Variants in DACH1 observed in about 807,000 individuals in gnomAD.
DACH1 encodes dachshund homolog 1.
In DACH1, 12 loss-of-function variants were observed where a neutral mutation model predicts 54.2. The ratio of observed to expected loss-of-function variants is 0.22; its 90% confidence interval spans 0.14 to 0.36. The LOEUF (loss-of-function observed/expected upper bound fraction) is 0.36, where lower values mean the gene tolerates loss of function less well. DACH1 is among the 10% of genes least tolerant of loss of function. DACH1 has a pLI of 1.00. For missense variants in DACH1, 805 were observed against 929.8 expected (o/e 0.87, Z 1.75); for synonymous variants, 386 against 366.2 (o/e 1.05, Z -0.62).
At chr13:71,650,310 A>G (rs1878581517) in intron 2 of DACH1, among the ~76,000 whole-genome samples, 1 of 152,192 alleles carries the variant, frequency 6.6e-6, no homozygotes, top group Non-Finnish European at 1.5e-5. Context: ...ACAATTTCTA[A>G]TAGTCAAGTA....
intron 1 of DACH1, among the ~76,000 whole-genome samples, chr13:71,799,587 G>A (rs1022801603): frequency 4.6e-5 from 7 of 151,908 alleles, no homozygotes; most frequent in Non-Finnish European, 7.4e-5. Flanking sequence ...AGCACATACC[G>A]GCTCTCAACC....
At chr13:71,497,573 C>T (rs532249082) in intron 6 of DACH1, among the ~76,000 whole-genome samples, 1 of 152,198 alleles carries the variant, frequency 6.6e-6, no homozygotes, top group Admixed American at 6.5e-5. Context: ...CTTGGGTGAT[C>T]CGCCTGCCTC....
At chr13:71,665,077 T>C (rs910988175) in intron 2 of DACH1, among the ~76,000 whole-genome samples, 4 of 152,028 alleles carry the variant, frequency 2.6e-5, no homozygotes, top group African/African-American at 9.6e-5. Flanking sequence ...TTCAATTATT[T>C]AGGGTAAAGT....
chr13:71,806,585 T>C (rs1887514861), intron 1 of DACH1, among the ~76,000 whole-genome samples: 1 of 152,218 alleles, frequency 6.6e-6, no homozygotes, highest in Admixed American at 6.5e-5. Flanking sequence ...TAAGTACCTG[T>C]TACATATCAG....
intron 1 of DACH1, among the ~76,000 whole-genome samples, chr13:71,713,549 C>T (rs1882829419): frequency 6.6e-6 from 1 of 152,062 alleles, no homozygotes; most frequent in African/African-American, 2.4e-5. Context: ...TTACATTTAA[C>T]TTAGTCATTT....
chr13:71,679,020 T>C (rs553811915), intron 2 of DACH1, among the ~76,000 whole-genome samples: 118 of 152,274 alleles, frequency 7.7e-4, no homozygotes, highest in Non-Finnish European at 1.2e-3. Context: ...CATTCTTCTT[T>C]AGAACATGGC....
intron 1 of DACH1, among the ~76,000 whole-genome samples, chr13:71,754,801 C>G (rs1885074962): frequency 6.6e-6 from 1 of 150,712 alleles, no homozygotes; most frequent in African/African-American, 2.4e-5. Context: ...ACGCCACTAT[C>G]TGGTGATTCA....
At chr13:71,635,064 C>T (rs1877376809) in intron 2 of DACH1, among the ~76,000 whole-genome samples, 1 of 152,140 alleles carries the variant, frequency 6.6e-6, no homozygotes, top group African/African-American at 2.4e-5. Context: ...ACATCTGCTG[C>T]GGTGCTTGGC....
intron 6 of DACH1, among the ~76,000 whole-genome samples, chr13:71,507,116 G>A (rs934892293): frequency 6.6e-6 from 1 of 151,722 alleles, no homozygotes; most frequent in African/African-American, 2.4e-5. Context: ...AGAGTGAACA[G>A]GCAACCTACA....
chr13:71,700,908 A>C (rs1262041671), intron 1 of DACH1, among the ~76,000 whole-genome samples: 1 of 152,192 alleles, frequency 6.6e-6, no homozygotes, highest in Non-Finnish European at 1.5e-5. Context: ...TAATAAGTTA[A>C]ATGCAAAATC....
chr13:71,795,150 C>T (rs1164617979), intron 1 of DACH1, among the ~76,000 whole-genome samples: 1 of 151,626 alleles, frequency 6.6e-6, no homozygotes, highest in African/African-American at 2.4e-5. Flanking sequence ...TTTGCTTCTC[C>T]ACTTAGGAAG....
rs141157262 is a variant in DACH1, at chr13:71,558,145, T to C, written c.1436-987A>G. 1.2e-3 allele frequency among the ~76,000 whole-genome samples: 182 copies of C among 152,182 alleles called. 2 individuals are homozygous for C. In the East Asian group the frequency reaches 0.028, roughly 23 times the overall value. ...AAGATAAACGATGATGAATTTGAGA[T>C]AAAGTTGTATTAAATCTATGACAGA... On this transcript the variant is annotated intron_variant, in intron 5 of 10. Coordinates refer to ENST00000613252, the MANE Select transcript of DACH1 (RefSeq NM_080759.6).
At position 71,599,038 on chromosome 13, in the gene DACH1, CTCTAAACATGTCATTTT is replaced by C. The variant is rs1383958013; in HGVS notation, c.1127-26043_1127-26027del. On this transcript the variant is annotated intron_variant, in intron 3 of 10. Transcript: ENST00000613252. ...ATCTCTTATTTATATAAGGGTATAG[CTCTAAACATGTCATTTT>C]TCTAAACCACAAAACTTTACTATAA... is the stretch of plus-strand genomic sequence containing the variant. 9.9e-5 allele frequency among the ~76,000 whole-genome samples: 15 copies of C among 152,112 alleles called. No homozygotes were observed. In the South Asian group the frequency reaches 2.5e-3, roughly 25 times the overall value.
chr13:71,488,586 A>T (rs1878728747), intron 7 of DACH1, among the ~76,000 whole-genome samples: 1 of 152,032 alleles, frequency 6.6e-6, no homozygotes, highest in Non-Finnish European at 1.5e-5. Flanking sequence ...AAATGACTAA[A>T]CATATCATTT....
At chr13:71,711,993 T>C (rs73523465) in intron 1 of DACH1, among the ~76,000 whole-genome samples, 147 of 152,238 alleles carry the variant, frequency 9.7e-4, no homozygotes, top group African/African-American at 3.5e-3. Context: ...CAAATGAGCA[T>C]ATAACCATAG....
chr13:71,721,132 G>C (rs1292080139), intron 1 of DACH1, among the ~76,000 whole-genome samples: 1 of 152,066 alleles, frequency 6.6e-6, no homozygotes, highest in East Asian at 1.9e-4. Flanking sequence ...ATCCAAACAT[G>C]ATTTCCCTAT....
At chr13:71,595,830 C>A (rs1409658844) in intron 3 of DACH1, among the ~76,000 whole-genome samples, 1 of 152,100 alleles carries the variant, frequency 6.6e-6, no homozygotes, top group Non-Finnish European at 1.5e-5. Context: ...AACCTTATTA[C>A]TTCCCAAAGT....
chr13:71,464,970 A>T (rs1876433757), intron 10 of DACH1, among the ~76,000 whole-genome samples: 1 of 152,180 alleles, frequency 6.6e-6, no homozygotes, highest in Non-Finnish European at 1.5e-5. Flanking sequence ...GGGAATTAGA[A>T]AGTGTGACAC....
chr13:71,799,924 T>G (rs889657117), intron 1 of DACH1, among the ~76,000 whole-genome samples: 1 of 152,156 alleles, frequency 6.6e-6, no homozygotes, highest in African/African-American at 2.4e-5. Context: ...CACTATTTTA[T>G]TAGTGATCAG....
Sources: allele counts gnomAD v4.1 joint callset (sites outside exome capture counted in the v4.1 genomes callset), GRCh38; gene constraint gnomAD v4.1.1; transcripts MANE v1.5; gene names NCBI Gene and HGNC (gene_info 2026-07-23, HGNC 2026-07-21).